The following CHST8 variants were observed in gnomAD, a reference collection of about 807,000 sequenced individuals.
The protein encoded by CHST8 is GALNAC-4-ST1.
In CHST8, 10 loss-of-function variants were observed where a neutral mutation model predicts 15.0. The ratio of observed to expected loss-of-function variants is 0.67; its 90% CI spans 0.41 to 1.13. The LOEUF is 1.13. Ranked by LOEUF, CHST8 falls within the 50% of genes most tolerant of loss-of-function variation. The pLI is 0.00. For synonymous variants in CHST8, 259 were observed against 256.6 expected, an observed-to-expected ratio of 1.01 and a Z score of -0.09; for missense variants, 634 against 608.2, an observed-to-expected ratio of 1.04 and a Z score of -0.45.
chr19:33,714,806 C>T (rs1333579476), intron 3 of CHST8, among the ~76,000 whole-genome samples: 1 of 152,190 alleles, frequency 6.6e-6, no homozygotes, highest in Non-Finnish European at 1.5e-5. Flanking sequence ...TTGTTTGCTG[C>T]CATGTGAGAC....
chr19:33,637,735 C>T lies in CHST8; in HGVS notation c.-164+15439C>T, dbSNP rs112361970. On this transcript the variant is annotated intron_variant, in intron 1 of 4. Coordinates refer to ENST00000650847, the MANE Select transcript of CHST8 (RefSeq NM_001127895.2). ...ACCTTTCACTGGGTGTGGTGGCTCA[C>T]GCCTGTAATCCCAGCTCTTTGGGAG... Among the ~76,000 whole-genome samples, 686 of 145,164 alleles carry T rather than the reference C, an allele frequency of 4.7e-3. 4 individuals are homozygous for T. The highest frequency in any genetic ancestry group is 0.014 in the African/African-American group (570 of 39,506).
At chr19:33,638,486 C>T (rs1039117198) in intron 1 of CHST8, among the ~76,000 whole-genome samples, 2 of 152,158 alleles carry the variant, frequency 1.3e-5, no homozygotes, top group Non-Finnish European at 2.9e-5. Context: ...ATCTGAATTT[C>T]ATAAATATTG....
At chr19:33,745,955 G>A (rs1974306501) in intron 3 of CHST8, among the ~76,000 whole-genome samples, 1 of 152,162 alleles carries the variant, frequency 6.6e-6, no homozygotes, top group Non-Finnish European at 1.5e-5. Context: ...ATTCCACATG[G>A]GACAAGGAGT....
At chr19:33,716,033 G>C (rs1365567057) in intron 3 of CHST8, among the ~76,000 whole-genome samples, 1 of 152,186 alleles carries the variant, frequency 6.6e-6, no homozygotes, top group Non-Finnish European at 1.5e-5. Context: ...TGCGTCATTT[G>C]CAAAAACAAA....
chr19:33,773,065 G>C lies in CHST8; in HGVS notation c.*2G>C. ...AAGCCCTTTGCAGATCTGTACTGAG[G>C]GGCGCCGCAGCTGGCCGGGGCCGCC... is the stretch of plus-strand genomic sequence containing the variant. On this transcript the variant is annotated 3_prime_UTR_variant, in exon 5 of 5. Coordinates refer to ENST00000650847, the MANE Select transcript of CHST8 (RefSeq NM_001127895.2). 1 of 1,587,244 alleles carries C rather than the reference G, an allele frequency of 6.3e-7. No homozygotes were observed. Among genetic ancestry groups the C allele is most frequent in the East Asian group, 2.2e-5 (1 of 44,530 alleles).
intron 3 of CHST8, among the ~76,000 whole-genome samples, chr19:33,757,554 A>AAGAC (rs1568358998): frequency 8.3e-6 from 1 of 121,090 alleles, no homozygotes; most frequent in Non-Finnish European, 1.8e-5. Flanking sequence ...GAAAGAAAGA[A>AAGAC]AGAAAGAAAG....
chr19:33,732,000 A>G (rs1974003268), intron 3 of CHST8, among the ~76,000 whole-genome samples: 1 of 152,136 alleles, frequency 6.6e-6, no homozygotes, highest in Admixed American at 6.5e-5. Flanking sequence ...CTTAATCCAC[A>G]CACTGCTCAC....
intron 2 of CHST8, among the ~76,000 whole-genome samples, chr19:33,679,323 G>A (rs920679823): frequency 1.8e-4 from 27 of 152,218 alleles, no homozygotes; most frequent in South Asian, 1.2e-3. Flanking sequence ...TGGCCATGCC[G>A]CATCCTACAT....
chr19:33,671,677 C>T (rs1600250800), intron 2 of CHST8, among the ~76,000 whole-genome samples: 2 of 151,958 alleles, frequency 1.3e-5, no homozygotes, highest in African/African-American at 4.8e-5. Context: ...CTCCCACATA[C>T]TCACCTTTGG....
intron 1 of CHST8, among the ~76,000 whole-genome samples, chr19:33,664,592 G>A (rs1972630050): frequency 6.6e-6 from 1 of 151,550 alleles, no homozygotes; most frequent in African/African-American, 2.4e-5. Context: ...ATTATGTTAA[G>A]TGGCTTACCC....
intron 1 of CHST8, among the ~76,000 whole-genome samples, chr19:33,643,545 G>A (rs923205081): frequency 2.0e-5 from 3 of 152,174 alleles, no homozygotes; most frequent in Non-Finnish European, 4.4e-5. Flanking sequence ...GAAATGGCCA[G>A]CCAGTTGTAC....
chr19:33,743,504 T>C (rs945019394), intron 3 of CHST8, among the ~76,000 whole-genome samples: 28 of 152,064 alleles, frequency 1.8e-4, no homozygotes, highest in African/African-American at 6.3e-4. Context: ...GATTTCACCG[T>C]GTTAGCCAGG....
At position 33,773,370 on chromosome 19, in the gene CHST8, G is replaced by A; in HGVS notation, c.*307G>A. ...GGGAAGTCTGAGGCCCAGAGGACGG[G>A]GGGCCCAGCGGTAAGGGATGTCCCG... On this transcript the variant is annotated 3_prime_UTR_variant, in exon 5 of 5. Coordinates refer to ENST00000650847, the MANE Select transcript of CHST8 (RefSeq NM_001127895.2). The A allele has an allele frequency of 2.4e-6, 1 of 417,956 alleles. No individual in the cohort carries two copies. The highest frequency in any genetic ancestry group is 4.3e-6 in the Non-Finnish European group (1 of 232,850). 25.9% of individuals were successfully genotyped at this position (417,956 alleles called of 1,614,324 possible). A position where few individuals can be genotyped will look rare whatever the true frequency, so the allele number is the denominator to read the frequency against.
chr19:33,696,914 C>T (rs957351081), intron 3 of CHST8, among the ~76,000 whole-genome samples: 3 of 151,214 alleles, frequency 2.0e-5, no homozygotes, highest in African/African-American at 7.3e-5. Flanking sequence ...AATCTTGGCT[C>T]ACCACAACCT....
chr19:33,705,031 C>T (rs988039480), intron 3 of CHST8, among the ~76,000 whole-genome samples: 5 of 152,066 alleles, frequency 3.3e-5, no homozygotes, highest in Non-Finnish European at 7.4e-5. Flanking sequence ...ATGTTTGGCA[C>T]CTACTGTTGG....
chr19:33,651,484 A>G (rs535228154), intron 1 of CHST8, among the ~76,000 whole-genome samples: 1 of 152,284 alleles, frequency 6.6e-6, no homozygotes, highest in South Asian at 2.1e-4. Context: ...TGATCTATTT[A>G]TGCAGCAAAC....
intron 3 of CHST8, among the ~76,000 whole-genome samples, chr19:33,730,621 G>A (rs1444632571): frequency 2.6e-5 from 4 of 152,172 alleles, no homozygotes; most frequent in Non-Finnish European, 4.4e-5. Context: ...AATTCAGGGC[G>A]AATTCATCAA....
intron 2 of CHST8, among the ~76,000 whole-genome samples, chr19:33,685,852 C>T (rs1342898496): frequency 6.6e-6 from 1 of 152,204 alleles, no homozygotes; most frequent in East Asian, 1.9e-4. Context: ...GAGGATTCTA[C>T]ACCCCCTGGA....
At chr19:33,636,960 C>T (rs971763676) in intron 1 of CHST8, among the ~76,000 whole-genome samples, 9 of 152,214 alleles carry the variant, frequency 5.9e-5, no homozygotes, top group Non-Finnish European at 1.2e-4. Flanking sequence ...CAGCAGCCCC[C>T]AACCACTGCT....
Sources: gnomAD v4.1 joint callset for allele counts (sites outside exome capture counted in the v4.1 genomes callset) on GRCh38, gnomAD v4.1.1 for gene constraint, MANE v1.5 for transcripts, NCBI Gene and HGNC (gene_info 2026-07-23, HGNC 2026-07-21) for gene names.